Variants in HPS5 observed in about 807,000 individuals in gnomAD.
HPS5 encodes the protein BLOC-2 complex member HPS5.
In HPS5, 83 loss-of-function variants were observed where a neutral mutation model predicts 128.0. The ratio of observed to expected loss-of-function variants is 0.65; its 90% CI spans 0.54 to 0.78. HPS5 has a LOEUF of 0.78. HPS5 is among the 30% of genes least tolerant of loss of function. The probability of loss-of-function intolerance (pLI) is 0.00; values close to 1 mark genes in which losing one functional copy is unlikely to be tolerated. For synonymous variants in HPS5, 475 were observed against 470.2 expected, an observed-to-expected ratio of 1.01 and a Z score of -0.13; for missense variants, 1,281 against 1,326.2, an observed-to-expected ratio of 0.97 and a Z score of 0.53.
At chr11:18,319,006 C>T (rs2133912819) in intron 1 of HPS5, among the ~76,000 whole-genome samples, 1 of 151,838 alleles carries the variant, frequency 6.6e-6, no homozygotes, top group African/African-American at 2.4e-5. Flanking sequence ...TAACACTGTT[C>T]CTAATACACC....
In HPS5 at chr11:18,292,798, A is replaced by T. The variant is rs564164837; in HGVS notation, c.1862+101T>A. The T allele has an allele frequency of 4.8e-5, 42 of 882,036 alleles. No homozygotes were observed. The East Asian group carries it at 8.3e-4, about 17-fold the overall frequency. 54.6% of individuals were successfully genotyped at this position (882,036 alleles called of 1,614,324 possible). ...TATAGCAACTTCTCTAATCAACTAT[A>T]TATTTCATACAAGGCCCATAAAAAA... On this transcript the variant is annotated intron_variant, in intron 15 of 22. Coordinates refer to ENST00000349215, the MANE Select transcript of HPS5 (RefSeq NM_181507.2).
In HPS5 at chr11:18,291,870, T is replaced by C. The variant is rs1860451334; in HGVS notation, c.2012A>G (p.Gln671Arg). ...DTDNSSMKLN[Q>R]DVLLVNESKK... ...TGATTCATTAACTAATAGCACATCC[T>C]GGTTCAATTTCATGGATGAGTTGTC... Residue 671 changes from glutamine (Q) to arginine (R), a missense_variant, in exon 16 of 23, where the codon CAG becomes CGG. Gln to Arg is a conservative substitution (Grantham distance 43, BLOSUM62 1). Coordinates refer to ENST00000349215, the MANE Select transcript of HPS5 (RefSeq NM_181507.2). 6.2e-7 allele frequency: 1 copy of C among 1,607,630 alleles called. No homozygotes were observed. The highest frequency in any genetic ancestry group is 8.5e-7 in the Non-Finnish European group (1 of 1,176,772).
intron 1 of HPS5, 84 bp from the exon 2 acceptor site, chr11:18,317,991 A>G (rs1863847095): frequency 2.9e-6 from 3 of 1,021,166 alleles, no homozygotes; most frequent in Non-Finnish European, 4.4e-6. Flanking sequence ...GAACATAGAG[A>G]AACATGAGAA....
At chr11:18,290,040 A>G (rs1860209970) in intron 16 of HPS5, among the ~76,000 whole-genome samples, 1 of 152,220 alleles carries the variant, frequency 6.6e-6, no homozygotes, top group East Asian at 1.9e-4. Flanking sequence ...TTGTGGCTAT[A>G]TGACAGAATT....
intron 8 of HPS5, among the ~76,000 whole-genome samples, chr11:18,304,547 G>T (rs1427226362): frequency 6.6e-6 from 1 of 152,146 alleles, no homozygotes; most frequent in Non-Finnish European, 1.5e-5. Context: ...AGTGTAGGAA[G>T]TATGACAAAT....
chr11:18,306,607 A>C (rs1006470873), intron 6 of HPS5, among the ~76,000 whole-genome samples: 1 of 152,250 alleles, frequency 6.6e-6, no homozygotes, highest in Non-Finnish European at 1.5e-5. Context: ...TAAGAGGCTC[A>C]GAATTAATGT....
chr11:18,311,012 A>G, intron 4 of HPS5, 79 bp from the exon 5 acceptor site: 1 of 959,246 alleles, frequency 1.0e-6, no homozygotes, highest in Non-Finnish European at 1.7e-6. Flanking sequence ...TATCAACTAT[A>G]TCAAATACAT....
intron 14 of HPS5, 47 bp from the exon 15 acceptor site, chr11:18,293,023 G>A (rs755855747): frequency 1.4e-6 from 2 of 1,423,540 alleles, no homozygotes; most frequent in African/African-American, 3.7e-5. Context: ...GAGTTAGAGG[G>A]GATCAGAGCT....
At chr11:18,293,047 G>GTGAGACCCT in intron 14 of HPS5, 71 bp from the exon 15 acceptor site, 1 of 1,130,150 alleles carries the variant, frequency 8.8e-7, no homozygotes, top group Non-Finnish European at 1.3e-6. Context: ...TTTGAGACAG[G>GTGAGACCCT]GTCTCACTCT....
chr11:18,312,403 C>T (rs1254345203), intron 2 of HPS5, among the ~76,000 whole-genome samples: 2 of 152,138 alleles, frequency 1.3e-5, no homozygotes, highest in Non-Finnish European at 2.9e-5. Flanking sequence ...GTTAAATATT[C>T]GTTCATTTAA....
At chr11:18,281,629 C>T (rs1285003242) in intron 22 of HPS5, among the ~76,000 whole-genome samples, 2 of 151,848 alleles carry the variant, frequency 1.3e-5, no homozygotes, top group Non-Finnish European at 2.9e-5. Context: ...TGGTCTCAAT[C>T]TCTTGACCTC....
intron 1 of HPS5, among the ~76,000 whole-genome samples, chr11:18,321,316 G>C (rs376868043): frequency 6.6e-6 from 1 of 151,580 alleles, no homozygotes; most frequent in South Asian, 2.1e-4. Flanking sequence ...CCATAAACTT[G>C]CTGTGCCTCC....
chr11:18,318,446 TCTA>T (rs1343111671), intron 1 of HPS5, among the ~76,000 whole-genome samples: 3 of 152,142 alleles, frequency 2.0e-5, no homozygotes, highest in Admixed American at 2.0e-4. Flanking sequence ...AATGAACAGA[TCTA>T]CTAAGTGAGA....
rs1441634299 is a variant in HPS5, at chr11:18,279,127, G to A, written c.*755C>T. Reference sequence around the variant, plus strand: ...AGACAGGGTCTTTCTCTGTCACCCAGACTGGTGTGCAATGGCACAAACACA... The same window carrying A: ...AGACAGGGTCTTTCTCTGTCACCCAAACTGGTGTGCAATGGCACAAACACA... On this transcript the variant is annotated 3_prime_UTR_variant, in exon 23 of 23. Coordinates refer to ENST00000349215, the MANE Select transcript of HPS5 (RefSeq NM_181507.2). 6.6e-6 allele frequency: 1 copy of A among 152,204 alleles called. No homozygotes were observed. The highest frequency in any genetic ancestry group is 2.4e-5 in the African/African-American group (1 of 41,444). The allele number at this position is 152,204 out of a possible 1,614,324, so 9.4% of individuals were successfully genotyped here. A position where few individuals can be genotyped will look rare whatever the true frequency, so the allele number is the denominator to read the frequency against.
At chr11:18,317,279 A>G (rs554614302) in intron 2 of HPS5, among the ~76,000 whole-genome samples, 93 of 139,316 alleles carry the variant, frequency 6.7e-4, no homozygotes, top group African/African-American at 2.4e-3. Flanking sequence ...TTTTTTTGAG[A>G]GAGTCTTACT....
intron 16 of HPS5, among the ~76,000 whole-genome samples, chr11:18,289,345 A>G (rs759398781): frequency 5.9e-5 from 9 of 152,196 alleles, no homozygotes; most frequent in Non-Finnish European, 1.3e-4. Flanking sequence ...AAATTCAAGT[A>G]AGCAGCCATA....
chr11:18,287,468 G>A, intron 18 of HPS5, 67 bp downstream of exon 18: 4 of 1,541,654 alleles, frequency 2.6e-6, no homozygotes, highest in Non-Finnish European at 2.7e-6. Flanking sequence ...TGTGACACCT[G>A]CTTATAAAAG....
chr11:18,318,575 T>C (rs1863913088), intron 1 of HPS5, among the ~76,000 whole-genome samples: 1 of 152,230 alleles, frequency 6.6e-6, no homozygotes, highest in South Asian at 2.1e-4. Context: ...GTGAGGACTT[T>C]GTAAAGTAAC....
intron 6 of HPS5, among the ~76,000 whole-genome samples, chr11:18,308,343 A>G (rs1236588795): frequency 1.3e-5 from 2 of 152,136 alleles, no homozygotes; most frequent in Non-Finnish European, 2.9e-5. Context: ...CAAAACTCAA[A>G]GAAGACTTCC....
Sources: gnomAD v4.1 joint callset for allele counts (sites outside exome capture counted in the v4.1 genomes callset) on GRCh38, gnomAD v4.1.1 for gene constraint, MANE v1.5 for transcripts, NCBI Gene and HGNC (gene_info 2026-07-23, HGNC 2026-07-21) for gene names.